Variants in COLGALT2 observed in about 807,000 individuals in gnomAD.
COLGALT2 encodes the protein procollagen galactosyltransferase 2.
Under a neutral mutation model 73.4 loss-of-function variants are expected in COLGALT2, and 49 were observed. That is an observed-to-expected ratio of 0.67 (90% CI 0.53 to 0.85). The LOEUF (loss-of-function observed/expected upper bound fraction) is 0.85. COLGALT2 is among the 40% of genes least tolerant of loss of function. COLGALT2 has a pLI of 0.00. For missense variants in COLGALT2, 722 were observed against 790.2 expected (o/e 0.91, Z 1.03); for synonymous variants, 295 against 307.6 (o/e 0.96, Z 0.43).
rs539919383 is a variant in COLGALT2 at position 183,955,669 on chromosome 1, T to C, written c.953-831A>G. On this transcript the variant is annotated intron_variant, in intron 6 of 11. Coordinates refer to ENST00000361927, the MANE Select transcript of COLGALT2 (RefSeq NM_015101.4). Reference sequence around the variant, plus strand: ...TGAAAAGGCCTTGAAGAATGTTTAGTATTATAAAAATTCAAAGTCCTCGAA... The same window carrying C: ...TGAAAAGGCCTTGAAGAATGTTTAGCATTATAAAAATTCAAAGTCCTCGAA... Among the ~76,000 whole-genome samples the C allele has an allele frequency of 1.0e-3, 155 of 148,370 alleles. 2 individuals are homozygous for C. The South Asian group carries it at 0.013, about 12-fold the overall frequency.
At position 183,936,823 on chromosome 1, in the gene COLGALT2, C is replaced by T; in HGVS notation, c.*1938G>A. ...TAGAGTTGGGTGAGTTCCCTTTCCT[C>T]CAGCGGCCTAGCTTGCTGGTCAGTG... On this transcript the variant is annotated 3_prime_UTR_variant, in exon 12 of 12. Coordinates refer to ENST00000361927, the MANE Select transcript of COLGALT2 (RefSeq NM_015101.4). 1 of 1,231,674 alleles carries T rather than the reference C, an allele frequency of 8.1e-7. No individual in the cohort carries two copies. The highest frequency in any genetic ancestry group is 1.0e-6 in the Non-Finnish European group (1 of 987,968). The allele number at this position is 1,231,674 out of a possible 1,614,324, so 76.3% of individuals were successfully genotyped here. A position where few individuals can be genotyped will look rare whatever the true frequency, so the allele number is the denominator to read the frequency against.
chr1:183,959,090 C>T (rs1670628599), intron 6 of COLGALT2, among the ~76,000 whole-genome samples: 1 of 152,094 alleles, frequency 6.6e-6, no homozygotes, highest in South Asian at 2.1e-4. Context: ...AACCAATGAC[C>T]AATTCTTTAT....
intron 6 of COLGALT2, among the ~76,000 whole-genome samples, chr1:183,962,196 G>C (rs985202208): frequency 1.8e-5 from 2 of 108,970 alleles, no homozygotes; most frequent in African/African-American, 7.3e-5. Context: ...GTCTCACTCT[G>C]TCACTCAGGC....
intron 6 of COLGALT2, among the ~76,000 whole-genome samples, chr1:183,956,475 G>C (rs1326527185): frequency 6.6e-6 from 1 of 152,168 alleles, no homozygotes; most frequent in Non-Finnish European, 1.5e-5. Flanking sequence ...GGTCCACCAG[G>C]TACACGGTTA....
At chr1:183,998,687 T>TC (rs1449606172) in intron 1 of COLGALT2, among the ~76,000 whole-genome samples, 1 of 152,134 alleles carries the variant, frequency 6.6e-6, no homozygotes, top group Non-Finnish European at 1.5e-5. Context: ...TATCAATTTT[T>TC]CCTTTCCATG....
At position 183,938,980 on chromosome 1, in the gene COLGALT2, G is replaced by C; in HGVS notation, c.1662C>G (p.Pro554=). The C allele has an allele frequency of 6.2e-7, 1 of 1,614,122 alleles. No homozygotes were observed. Among genetic ancestry groups the C allele is most frequent in the Non-Finnish European group, 8.5e-7 (1 of 1,180,026 alleles). The change falls in exon 12 of 12, where the codon CCC becomes CCG. Residue 554 remains proline, a synonymous_variant. Coordinates refer to ENST00000361927, the MANE Select transcript of COLGALT2 (RefSeq NM_015101.4). The part of the protein sequence containing the change: ...SRDLKAFSAE[P]LLIYPTHYTG... ...TGTAGTGCGTAGGGTAGATGAGCAA[G>C]GGTTCTGCAGAGAAGGCTTTCAGGT...
chr1:184,037,167 G>A lies in COLGALT2; in HGVS notation c.191C>T (p.Ala64Val). The change falls in exon 1 of 12, where the codon GCG becomes GTG. Residue 64 changes from alanine to valine, a missense_variant. Ala to Val is a moderately conservative substitution (Grantham distance 64). Coordinates refer to ENST00000361927, the MANE Select transcript of COLGALT2 (RefSeq NM_015101.4). The stretch of plus-strand genomic sequence containing the variant: ...GAGGAAGTGCGGCAGCGTGTGCGCC[G>A]CGTTGCGGGCGAGGACCGCCACGAG... ...TVLVAVLARN[A>V]AHTLPHFLGC... The A allele has an allele frequency of 6.2e-7, 1 of 1,603,450 alleles. No homozygotes were observed. The highest frequency in any genetic ancestry group is 1.1e-5 in the South Asian group (1 of 90,250).
At chr1:183,983,530 G>A (rs773416095) in intron 1 of COLGALT2, among the ~76,000 whole-genome samples, 2 of 152,218 alleles carry the variant, frequency 1.3e-5, no homozygotes, top group Non-Finnish European at 2.9e-5. Context: ...AGGCCCATAT[G>A]CAAGCTTTCT....
At chr1:183,976,135 CATATAATATATT>C (rs1671183353) in intron 2 of COLGALT2, among the ~76,000 whole-genome samples, 1 of 152,044 alleles carries the variant, frequency 6.6e-6, no homozygotes, top group Non-Finnish European at 1.5e-5. Context: ...CTGACCTTGG[CATATAATATATT>C]TAGTCAAAAC....
chr1:183,932,903 C>T (rs541021175), downstream of COLGALT2, among the ~76,000 whole-genome samples: 1 of 152,156 alleles, frequency 6.6e-6, no homozygotes, highest in African/African-American at 2.4e-5. Flanking sequence ...CTGGGTACCC[C>T]CTTCTGTGTC....
At chr1:183,971,174 T>C (rs1671027958) in intron 4 of COLGALT2, among the ~76,000 whole-genome samples, 1 of 152,322 alleles carries the variant, frequency 6.6e-6, no homozygotes, top group Admixed American at 6.5e-5. Flanking sequence ...TAATTCCTGT[T>C]CATTGGCCAG....
At chr1:184,026,303 C>T (rs1382223533) in intron 1 of COLGALT2, among the ~76,000 whole-genome samples, 2 of 152,080 alleles carry the variant, frequency 1.3e-5, no homozygotes, top group African/African-American at 2.4e-5. Context: ...ATGCAGTTCA[C>T]ATTTTTGAGA....
intron 10 of COLGALT2, among the ~76,000 whole-genome samples, chr1:183,942,301 T>G (rs1219825568): frequency 6.6e-6 from 1 of 151,900 alleles, no homozygotes; most frequent in Non-Finnish European, 1.5e-5. Flanking sequence ...GTGTTCTAAG[T>G]GTAAAATACA....
intron 1 of COLGALT2, among the ~76,000 whole-genome samples, chr1:183,979,016 T>C (rs1558323440): frequency 6.6e-6 from 1 of 152,218 alleles, no homozygotes; most frequent in African/African-American, 2.4e-5. Flanking sequence ...GCTTTAATCA[T>C]TGTGAAGCTA....
At chr1:183,975,753 G>A (rs1671173300) in intron 2 of COLGALT2, among the ~76,000 whole-genome samples, 1 of 152,152 alleles carries the variant, frequency 6.6e-6, no homozygotes, top group Admixed American at 6.5e-5. Context: ...GAGGTCGTGG[G>A]ATCTCTATCA....
chr1:183,944,097 A>G, intron 10 of COLGALT2, 99 bp downstream of exon 10: 1 of 1,326,158 alleles, frequency 7.5e-7, no homozygotes, highest in Non-Finnish European at 1.0e-6. Flanking sequence ...TGGAAGCTTA[A>G]GCTGTATCTC....
At chr1:184,033,207 C>T (rs1003689600) in intron 1 of COLGALT2, among the ~76,000 whole-genome samples, 2 of 152,216 alleles carry the variant, frequency 1.3e-5, no homozygotes, top group Non-Finnish European at 2.9e-5. Context: ...CGCCATGCTT[C>T]GGTTTTCACT....
chr1:183,984,845 G>A (rs76985016), intron 1 of COLGALT2, among the ~76,000 whole-genome samples: 5,444 of 152,272 alleles, frequency 0.036, 146 homozygotes, highest in Middle Eastern at 0.071. Context: ...AGGGAAACAC[G>A]TATTGGAGAT....
intron 1 of COLGALT2, among the ~76,000 whole-genome samples, chr1:184,036,045 C>G (rs1023673894): frequency 3.3e-5 from 5 of 152,204 alleles, no homozygotes; most frequent in African/African-American, 9.7e-5. Context: ...CGCCTGAGAA[C>G]AGCTCCCTTT....
Sources: gnomAD v4.1 joint callset for allele counts (sites outside exome capture counted in the v4.1 genomes callset) on GRCh38, gnomAD v4.1.1 for gene constraint, MANE v1.5 for transcripts, NCBI Gene and HGNC (gene_info 2026-07-23, HGNC 2026-07-21) for gene names.